The following ZHX2 variants were observed in gnomAD, a reference collection of about 807,000 sequenced individuals.
ZHX2 encodes zinc fingers and homeoboxes 2.
In ZHX2, 6 loss-of-function variants were observed where a neutral mutation model predicts 21.9. That is an observed-to-expected ratio of 0.27 (90% CI 0.15 to 0.54). ZHX2 has a LOEUF of 0.54. ZHX2 is among the 20% of genes least tolerant of loss of function. The pLI is 0.95. For synonymous variants in ZHX2, 434 were observed against 437.1 expected (o/e 0.99, Z 0.09); for missense variants, 908 against 1,090.7 (o/e 0.83, Z 2.36).
chr8:122,893,870 G>T (rs1034329083), intron 2 of ZHX2, among the ~76,000 whole-genome samples: 3 of 152,154 alleles, frequency 2.0e-5, no homozygotes, highest in African/African-American at 2.4e-5. Context: ...TCCTTTAAAG[G>T]TGTTGTGTTT....
intron 1 of ZHX2, among the ~76,000 whole-genome samples, chr8:122,810,749 A>T (rs1817909891): frequency 6.6e-6 from 1 of 151,844 alleles, no homozygotes; most frequent in Non-Finnish European, 1.5e-5. Flanking sequence ...CACTCCAAGG[A>T]GTGTTGTATG....
intron 1 of ZHX2, among the ~76,000 whole-genome samples, chr8:122,807,126 T>G (rs1408987907): frequency 6.6e-6 from 1 of 152,134 alleles, no homozygotes; most frequent in Non-Finnish European, 1.5e-5. Flanking sequence ...CTGTTGTCGT[T>G]GTTGGATCAT....
intron 2 of ZHX2, among the ~76,000 whole-genome samples, chr8:122,950,566 T>C (rs1286665529): frequency 6.6e-6 from 1 of 152,124 alleles, no homozygotes; most frequent in East Asian, 1.9e-4. Context: ...ATTCTGCACA[T>C]GTATCCCAGA....
rs10549696 is a variant in ZHX2 at position 122,887,050 on chromosome 8, C to CGTGTGTGTGT, written c.-220+23546_-220+23555dup. On this transcript the variant is annotated intron_variant, in intron 2 of 3. Coordinates refer to ENST00000314393, the MANE Select transcript of ZHX2 (RefSeq NM_014943.5). ...TGTACCTGACACGGTGCTCTGCCACCGTGTGTGTGTGTGTGTGTGTGTGTG... is the reference window on the plus strand; with the variant it reads ...TGTACCTGACACGGTGCTCTGCCACCGTGTGTGTGTGTGTGTGTGTGTGTGTGTGTGTGTG... Among the ~76,000 whole-genome samples the CGTGTGTGTGT allele has an allele frequency of 2.6e-3, 354 of 136,444 alleles. 2 individuals are homozygous for CGTGTGTGTGT. The highest frequency in any genetic ancestry group is 7.6e-3 in the South Asian group (29 of 3,810). The allele number at this position is 136,444 out of a possible 152,430, so 89.5% of individuals were successfully genotyped here.
At chr8:122,819,494 G>A (rs2130632336) in intron 1 of ZHX2, among the ~76,000 whole-genome samples, 1 of 152,318 alleles carries the variant, frequency 6.6e-6, no homozygotes. Flanking sequence ...TTGAAAGGAG[G>A]AGAAAAAGAT....
At chr8:122,955,798 A>G (rs1285620870) in intron 3 of ZHX2, among the ~76,000 whole-genome samples, 1 of 147,208 alleles carries the variant, frequency 6.8e-6, no homozygotes, top group African/African-American at 2.5e-5. Context: ...AGAAGAACCT[A>G]CCAGTCTAGC....
At chr8:122,884,624 A>T (rs5015913) in intron 2 of ZHX2, among the ~76,000 whole-genome samples, 83,525 of 152,022 alleles carry the variant, frequency 0.55, 23,169 homozygotes, top group South Asian at 0.67. Context: ...AACTCCCGCA[A>T]GTATCGTGGG....
chr8:122,954,090 A>G (rs1327242557), intron 3 of ZHX2, 62 bp downstream of exon 3: 2 of 1,433,718 alleles, frequency 1.4e-6, no homozygotes, highest in East Asian at 2.4e-5. Context: ...TTTCGTTGCC[A>G]GGGTTAATAT....
intron 1 of ZHX2, among the ~76,000 whole-genome samples, chr8:122,858,159 CTGGCTCCAGCCAGGGT>C (rs1206640346): frequency 6.6e-6 from 1 of 152,218 alleles, no homozygotes; most frequent in East Asian, 1.9e-4. Context: ...CTGGTCTGGG[CTGGCTCCAGCCAGGGT>C]TGGCTTCTCT....
intron 2 of ZHX2, among the ~76,000 whole-genome samples, chr8:122,935,906 T>C (rs1586402523): frequency 6.6e-6 from 1 of 152,174 alleles, no homozygotes; most frequent in East Asian, 1.9e-4. Flanking sequence ...CTCTAAGTTC[T>C]TTGTTTTCTG....
At chr8:122,920,869 C>T (rs945117166) in intron 2 of ZHX2, among the ~76,000 whole-genome samples, 3 of 152,258 alleles carry the variant, frequency 2.0e-5, no homozygotes, top group Admixed American at 6.5e-5. Context: ...AGGGGCTGAG[C>T]TCCATATGGG....
intron 1 of ZHX2, among the ~76,000 whole-genome samples, chr8:122,788,010 C>T (rs933154187): frequency 1.1e-4 from 17 of 152,172 alleles, no homozygotes; most frequent in African/African-American, 3.9e-4. Flanking sequence ...TCTCATCCCC[C>T]ACAGCCTGGT....
chr8:122,780,738 C>G (rs1422278040), upstream of ZHX2: 2 of 152,200 alleles, frequency 1.3e-5, no homozygotes, highest in Non-Finnish European at 2.9e-5. Flanking sequence ...ACATTGGAGT[C>G]CCAGTTGCGA....
chr8:122,819,962 C>T (rs1444162945), intron 1 of ZHX2, among the ~76,000 whole-genome samples: 1 of 152,212 alleles, frequency 6.6e-6, no homozygotes, highest in Non-Finnish European at 1.5e-5. Flanking sequence ...GCCTCCCCTC[C>T]CATCTGCCTA....
At chr8:122,830,040 G>A (rs908830246) in intron 1 of ZHX2, among the ~76,000 whole-genome samples, 4 of 152,172 alleles carry the variant, frequency 2.6e-5, no homozygotes, top group Non-Finnish European at 4.4e-5. Context: ...GTAAAATGAG[G>A]CTGAGACCTA....
intron 2 of ZHX2, among the ~76,000 whole-genome samples, chr8:122,912,382 C>T (rs1820504031): frequency 6.6e-6 from 1 of 152,232 alleles, no homozygotes; most frequent in Admixed American, 6.5e-5. Context: ...CAAAGCAGCT[C>T]CTCACAGCCC....
At chr8:122,891,882 A>G (rs553158173) in intron 2 of ZHX2, among the ~76,000 whole-genome samples, 6 of 152,332 alleles carry the variant, frequency 3.9e-5, no homozygotes, top group African/African-American at 1.4e-4. Context: ...TAATGAAAAG[A>G]AAGTGTATTC....
At chr8:122,873,619 G>T (rs1364800818) in intron 2 of ZHX2, among the ~76,000 whole-genome samples, 1 of 152,166 alleles carries the variant, frequency 6.6e-6, no homozygotes, top group East Asian at 1.9e-4. Context: ...TTATATTGCA[G>T]ACAACAATGT....
intron 1 of ZHX2, among the ~76,000 whole-genome samples, chr8:122,822,143 T>C (rs1818165912): frequency 6.6e-6 from 1 of 152,184 alleles, no homozygotes; most frequent in African/African-American, 2.4e-5. Context: ...AGGTATTAGA[T>C]TGCATTTTGA....
Sources: allele counts gnomAD v4.1 joint callset (sites outside exome capture counted in the v4.1 genomes callset), GRCh38; gene constraint gnomAD v4.1.1; transcripts MANE v1.5; gene names NCBI Gene and HGNC (gene_info 2026-07-23, HGNC 2026-07-21).